ZNF735: variants seen among roughly 807,000 people sequenced by gnomAD.
ZNF735 encodes the protein putative zinc finger protein 735.
In ZNF735, 11 loss-of-function variants were observed where a neutral mutation model predicts 13.4. The observed-to-expected ratio is 0.82, with a 90% CI of 0.52 to 1.36. The LOEUF (loss-of-function observed/expected upper bound fraction) is 1.36. ZNF735 is among the 40% of genes most tolerant of loss of function. The probability of loss-of-function intolerance (pLI) is 0.00; values close to 1 mark genes in which losing one functional copy is unlikely to be tolerated. For missense variants in ZNF735, 500 were observed against 484.6 expected, an observed-to-expected ratio of 1.03 and a Z score of -0.30; for synonymous variants, 171 against 162.6, an observed-to-expected ratio of 1.05 and a Z score of -0.39.
chr7:64,214,070 A>G (rs1206235590), exon 3 of ZNF735: 1 of 1,600,808 alleles, frequency 6.2e-7, no homozygotes, highest in Non-Finnish European at 8.5e-7. Context: ...AAAGAGCCCC[A>G]GAATATAAAG....
chr7:64,215,192 C>A (rs956508737), intron 3 of ZNF735, among the ~76,000 whole-genome samples: 20 of 151,566 alleles, frequency 1.3e-4, no homozygotes, highest in Admixed American at 3.3e-4. Context: ...CTCCTGAGTA[C>A]CTGGGATCAG....
chr7:64,207,783 T>G (rs1334146948), intron 1 of ZNF735, among the ~76,000 whole-genome samples: 2 of 152,130 alleles, frequency 1.3e-5, no homozygotes, highest in Non-Finnish European at 2.9e-5. Context: ...GGTCAGGTGT[T>G]CGAGACCAGC....
intron 3 of ZNF735, among the ~76,000 whole-genome samples, chr7:64,216,774 T>G (rs1002887866): frequency 6.6e-6 from 1 of 152,072 alleles, no homozygotes; most frequent in Non-Finnish European, 1.5e-5. Context: ...ACCCAGCTAA[T>G]TCTCAATTAT....
At chr7:64,220,169 G>T (rs1320934485) in exon 4 of ZNF735, 3 of 1,613,018 alleles carry the variant, frequency 1.9e-6, no homozygotes, top group South Asian at 1.1e-5. Context: ...GCACATAAGA[G>T]AATTCATACT....
intron 1 of ZNF735, among the ~76,000 whole-genome samples, chr7:64,207,937 A>C (rs1244717622): frequency 6.6e-6 from 1 of 151,924 alleles, no homozygotes; most frequent in Non-Finnish European, 1.5e-5. Context: ...CAGTGAGCCG[A>C]GATCGCGCCA....
intron 3 of ZNF735, among the ~76,000 whole-genome samples, chr7:64,215,866 T>C (rs1787413745): frequency 6.6e-6 from 1 of 152,240 alleles, no homozygotes; most frequent in South Asian, 2.1e-4. Context: ...TATTTTGTTC[T>C]ATCATGTCTT....
At chr7:64,208,683 A>T (rs539409843) in intron 1 of ZNF735, among the ~76,000 whole-genome samples, 1 of 152,112 alleles carries the variant, frequency 6.6e-6, no homozygotes, top group African/African-American at 2.4e-5. Flanking sequence ...TAAGCATAGT[A>T]CTCAACAGAT....
intron 2 of ZNF735, among the ~76,000 whole-genome samples, 194 bp from the exon 3 acceptor site, chr7:64,213,819 C>T (rs532852069): frequency 1.3e-5 from 2 of 151,866 alleles, no homozygotes; most frequent in African/African-American, 4.8e-5. Context: ...ATTAGCTGGG[C>T]GTGGTGGTAT....
At chr7:64,212,956 CTGAG>C in intron 1 of ZNF735, 132 bp from the exon 2 acceptor site, 1 of 889,276 alleles carries the variant, frequency 1.1e-6, no homozygotes. Flanking sequence ...AATTATCTTA[CTGAG>C]TAATTTCAGT....
exon 4 of ZNF735, chr7:64,219,451 G>A: frequency 6.2e-7 from 1 of 1,613,870 alleles, no homozygotes; most frequent in Non-Finnish European, 8.5e-7. Context: ...AAGAGTAGAT[G>A]AGTGTGAGGT....
At chr7:64,214,231 A>G in intron 3 of ZNF735, 123 bp downstream of exon 3, 1 of 1,083,274 alleles carries the variant, frequency 9.2e-7, no homozygotes, top group Non-Finnish European at 1.3e-6. Flanking sequence ...GAGAAGCTTG[A>G]GTATTTTTTA....
intron 3 of ZNF735, among the ~76,000 whole-genome samples, chr7:64,217,503 T>A (rs1787436495): frequency 6.6e-6 from 1 of 152,060 alleles, no homozygotes; most frequent in Non-Finnish European, 1.5e-5. Flanking sequence ...AAATTTTTTA[T>A]TTATTATTGA....
intron 1 of ZNF735, among the ~76,000 whole-genome samples, chr7:64,211,378 A>C (rs1422655860): frequency 6.6e-6 from 1 of 152,210 alleles, no homozygotes; most frequent in Non-Finnish European, 1.5e-5. Context: ...TATTAGTTCC[A>C]TGCAGAACAG....
chr7:64,214,009 A>G lies in ZNF735; in HGVS notation c.167-4A>G, dbSNP rs768596137. On this transcript the variant is annotated splice_region_variant and splice_polypyrimidine_tract_variant and intron_variant, in intron 2 of 3. Transcript: ENST00000429565. ...TAAGTTACTTTTTTTTCTTAATAAA[A>G]CAGGTATGACTGTCTCTAAGCCAGA... is the stretch of plus-strand genomic sequence containing the variant. 5 of 1,586,268 alleles carry G rather than the reference A, an allele frequency of 3.2e-6. No individual in the cohort carries two copies. Among genetic ancestry groups the G allele is most frequent in the Non-Finnish European group, 4.3e-6 (5 of 1,174,868 alleles).
rs750609244 is a variant in ZNF735 at position 64,207,236 on chromosome 7, G to T, written c.34G>T (p.Glu12Ter). The T allele has an allele frequency of 1.2e-6, 2 of 1,614,218 alleles. No homozygotes were observed. The highest frequency in any genetic ancestry group is 1.7e-6 in the Non-Finnish European group (2 of 1,180,046). The change falls in exon 1 of 4, where the codon GAA becomes TAA. Residue 12 changes from glutamate to a stop codon, truncating the protein, a stop_gained. Coordinates refer to ENST00000429565, the Ensembl canonical transcript of ZNF735. LOFTEE classifies it high-confidence loss of function. ...AAGACCGGGACCCCCTGGAAGCCGA[G>T]AAATGGTGAGTGCTGGGTCTGTCAT...
chr7:64,217,199 A>G (rs1459852013), intron 3 of ZNF735, among the ~76,000 whole-genome samples: 1 of 152,182 alleles, frequency 6.6e-6, no homozygotes, highest in East Asian at 1.9e-4. Flanking sequence ...CTGGTTGCTT[A>G]AAGGAACCTG....
intron 3 of ZNF735, among the ~76,000 whole-genome samples, chr7:64,216,447 A>G (rs558532802): frequency 1.3e-5 from 2 of 152,332 alleles, no homozygotes; most frequent in East Asian, 1.9e-4. Context: ...GAGCAAAAAT[A>G]TTAAATTAGG....
exon 4 of ZNF735, chr7:64,219,750 A>T (rs756518675): frequency 6.2e-7 from 1 of 1,608,500 alleles, no homozygotes. Flanking sequence ...CACATAAAAG[A>T]ATTCTTACTG....
intron 3 of ZNF735, among the ~76,000 whole-genome samples, chr7:64,216,719 C>T (rs893345106): frequency 6.6e-6 from 1 of 152,024 alleles, no homozygotes; most frequent in African/African-American, 2.4e-5. Flanking sequence ...AATCCTTCCA[C>T]CTTGGCCTCC....
Sources: allele counts gnomAD v4.1 joint callset (sites outside exome capture counted in the v4.1 genomes callset), GRCh38; gene constraint gnomAD v4.1.1; transcripts MANE v1.5; gene names NCBI Gene and HGNC (gene_info 2026-07-23, HGNC 2026-07-21).